The following CTNNA2 variants were observed in gnomAD, a reference collection of about 807,000 sequenced individuals.
The protein encoded by CTNNA2 is catenin alpha-2.
A neutral mutation model predicts 101.0 loss-of-function variants in CTNNA2; 42 were observed. The ratio of observed to expected loss-of-function variants is 0.42; its 90% CI spans 0.32 to 0.54. The LOEUF (loss-of-function observed/expected upper bound fraction) is 0.54. Ranked by LOEUF, CTNNA2 falls within the 20% of genes least tolerant of loss-of-function variation. The probability of loss-of-function intolerance (pLI) is 0.14; values close to 1 mark genes in which losing one functional copy is unlikely to be tolerated. For synonymous variants in CTNNA2, 450 were observed against 456.4 expected (o/e 0.99, Z 0.18); for missense variants, 871 against 1,223.1 (o/e 0.71, Z 4.29).
chr2:79,810,119 A>G (rs988538539), intron 3 of CTNNA2, among the ~76,000 whole-genome samples: 1 of 152,178 alleles, frequency 6.6e-6, no homozygotes, highest in East Asian at 1.9e-4. Context: ...ATTAAAAGAC[A>G]TCATCATTTC....
chr2:80,524,645 G>C (rs1256483425), intron 9 of CTNNA2, among the ~76,000 whole-genome samples: 1 of 152,038 alleles, frequency 6.6e-6, no homozygotes, highest in African/African-American at 2.4e-5. Flanking sequence ...TTCTTCCCTA[G>C]AATAGTCTCC....
At chr2:79,353,142 C>A (rs189187631) in intron 3 of CTNNA2, among the ~76,000 whole-genome samples, 71 of 152,214 alleles carry the variant, frequency 4.7e-4, no homozygotes, top group Admixed American at 1.0e-3. Context: ...GAGACAGAGC[C>A]AAACCATATC....
rs149219339 is a variant in CTNNA2, at chr2:79,615,085, T to C, written c.-5-36467T>C. On this transcript the variant is annotated intron_variant, in intron 1 of 18. Transcript: ENST00000402739. ...TATTTGTTGATACTAACATGTTGTG[T>C]AAAATCAGCAGAAATTTAAGGTTCT... Among the ~76,000 whole-genome samples the C allele has an allele frequency of 4.1e-3, 626 of 152,270 alleles. 2 individuals are homozygous for C. The highest frequency in any genetic ancestry group is 5.0e-3 in the Non-Finnish European group (340 of 68,008).
At chr2:80,450,546 C>T (rs1683416561) in intron 9 of CTNNA2, among the ~76,000 whole-genome samples, 1 of 152,076 alleles carries the variant, frequency 6.6e-6, no homozygotes, top group African/African-American at 2.4e-5. Context: ...AGTAATTACC[C>T]TTGTCTGGAG....
chr2:79,380,372 T>A (rs2104462569), intron 4 of CTNNA2, among the ~76,000 whole-genome samples: 1 of 151,238 alleles, frequency 6.6e-6, no homozygotes, highest in African/African-American at 2.4e-5. Context: ...GTGCCATGCC[T>A]CTTCCATTTT....
intron 2 of CTNNA2, among the ~76,000 whole-genome samples, chr2:79,705,323 A>G (rs572075918): frequency 6.6e-6 from 1 of 152,338 alleles, no homozygotes; most frequent in South Asian, 2.1e-4. Flanking sequence ...CGAGAAAGAG[A>G]GACACCACAT....
chr2:79,683,970 C>T (rs746226874), intron 2 of CTNNA2, among the ~76,000 whole-genome samples: 37 of 152,098 alleles, frequency 2.4e-4, no homozygotes, highest in Admixed American at 4.6e-4. Flanking sequence ...GAGACTTGTT[C>T]GTAGCACTGT....
Position 79,618,972 on chromosome 2 carries a change from G to A in CTNNA2, c.-5-32580G>A, listed in dbSNP as rs183183223. Among the ~76,000 whole-genome samples the A allele has an allele frequency of 5.4e-4, 82 of 152,300 alleles. 1 individual carries two copies. The highest frequency in any genetic ancestry group is 2.4e-5 in the African/African-American group (1 of 41,580). ...TGTAATCCCAGCACTTTGGGAGGCCGAGGCAGGTGGATCATTTGAGGTCAG... is the reference window on the plus strand; with the variant it reads ...TGTAATCCCAGCACTTTGGGAGGCCAAGGCAGGTGGATCATTTGAGGTCAG... On this transcript the variant is annotated intron_variant, in intron 1 of 18. Transcript: ENST00000402739.
chr2:79,473,063 T>C (rs1671016350), intron 4 of CTNNA2, among the ~76,000 whole-genome samples: 1 of 152,206 alleles, frequency 6.6e-6, no homozygotes, highest in Non-Finnish European at 1.5e-5. Flanking sequence ...ACAATGACCT[T>C]GACCATCCAT....
At chr2:80,206,761 G>A (rs1707561804) in intron 7 of CTNNA2, among the ~76,000 whole-genome samples, 2 of 152,156 alleles carry the variant, frequency 1.3e-5, no homozygotes, top group African/African-American at 4.8e-5. Flanking sequence ...GTTTTGGCCT[G>A]AAAACATTAG....
rs147493096 is a variant in CTNNA2 at position 79,717,850 on chromosome 2, A to G, written c.103-26537A>G. On this transcript the variant is annotated intron_variant, in intron 2 of 18. Coordinates refer to ENST00000402739, the MANE Select transcript of CTNNA2 (RefSeq NM_001282597.3). ...GCATGGAGAGAGTGAATGCTGCTTC[A>G]TGGACTTAAAAGTGGAACCTACCTT... Among the ~76,000 whole-genome samples, 317 of 152,302 alleles carry G rather than the reference A, an allele frequency of 2.1e-3. 2 individuals are homozygous for G. Among genetic ancestry groups the G allele is most frequent in the African/African-American group, 5.9e-3 (247 of 41,570 alleles).
chr2:79,726,998 C>T (rs527662473), intron 2 of CTNNA2, among the ~76,000 whole-genome samples: 4 of 152,188 alleles, frequency 2.6e-5, no homozygotes, highest in Non-Finnish European at 4.4e-5. Context: ...AAATGAAAAC[C>T]GGAAGTGACT....
chr2:79,546,637 C>A (rs1673747981), intron 1 of CTNNA2, among the ~76,000 whole-genome samples: 1 of 152,048 alleles, frequency 6.6e-6, no homozygotes, highest in Admixed American at 6.6e-5. Flanking sequence ...TTACACTGCC[C>A]TGCTACAAAC....
intron 7 of CTNNA2, among the ~76,000 whole-genome samples, chr2:80,069,104 G>A (rs533822470): frequency 1.3e-5 from 2 of 152,252 alleles, no homozygotes; most frequent in South Asian, 2.1e-4. Context: ...CAACTGAAAA[G>A]CATTAGCTCC....
At chr2:80,197,504 G>A (rs1192418391) in intron 7 of CTNNA2, among the ~76,000 whole-genome samples, 1 of 152,172 alleles carries the variant, frequency 6.6e-6, no homozygotes, top group Admixed American at 6.5e-5. Context: ...GAATGGAGAT[G>A]ATAAACATGT....
chr2:79,928,822 C>G (rs1183999512), intron 7 of CTNNA2, among the ~76,000 whole-genome samples: 7 of 152,032 alleles, frequency 4.6e-5, no homozygotes, highest in Non-Finnish European at 1.0e-4. Flanking sequence ...GTGATATAGT[C>G]CAACCATTCC....
intron 4 of CTNNA2, among the ~76,000 whole-genome samples, chr2:79,426,685 A>T (rs1678595551): frequency 6.6e-6 from 1 of 152,140 alleles, no homozygotes; most frequent in African/African-American, 2.4e-5. Context: ...GTGTGGTACA[A>T]TTATTTTCAC....
chr2:80,563,923 T>G (rs1270065072), intron 12 of CTNNA2, among the ~76,000 whole-genome samples: 1 of 152,200 alleles, frequency 6.6e-6, no homozygotes, highest in Non-Finnish European at 1.5e-5. Flanking sequence ...TCCATCTTAG[T>G]ACCTGAGGCA....
At chr2:79,973,272 C>T (rs1043193639) in intron 7 of CTNNA2, among the ~76,000 whole-genome samples, 18 of 152,032 alleles carry the variant, frequency 1.2e-4, no homozygotes, top group African/African-American at 4.3e-4. Context: ...TTTCATGCTG[C>T]AAGTACAAAG....
Sources: allele counts gnomAD v4.1 joint callset (sites outside exome capture counted in the v4.1 genomes callset), GRCh38; gene constraint gnomAD v4.1.1; transcripts MANE v1.5; gene names NCBI Gene and HGNC (gene_info 2026-07-23, HGNC 2026-07-21).